Variants in THSD4 observed in about 807,000 individuals in gnomAD.
The protein encoded by THSD4 is thrombospondin type-1 domain-containing protein 4.
THSD4 carries 69 observed loss-of-function variants against 119.0 expected under a neutral mutation model. The observed-to-expected ratio is 0.58, with a 90% CI of 0.48 to 0.71. THSD4 has a LOEUF of 0.71. Among genes scored for constraint, THSD4 ranks in the 30% least tolerant of loss-of-function variants. The probability of loss-of-function intolerance (pLI) is 0.00; values close to 1 mark genes in which losing one functional copy is unlikely to be tolerated. For missense variants in THSD4, 1,393 were observed against 1,391.1 expected (o/e 1.00, Z -0.02); for synonymous variants, 524 against 540.4 (o/e 0.97, Z 0.42).
intron 8 of THSD4, among the ~76,000 whole-genome samples, chr15:71,724,527 C>T (rs28588514): frequency 0.89 from 134,939 of 150,982 alleles, 62,023 homozygotes; most frequent in Non-Finnish European, 1. Context: ...CCTCGTGATC[C>T]GCCAGCCTCA....
chr15:71,717,346 A>T lies in THSD4; in HGVS notation c.1358-11203A>T, dbSNP rs2052629157. Among the ~76,000 whole-genome samples, 8 of 152,344 alleles carry T rather than the reference A, an allele frequency of 5.3e-5. No individual in the cohort carries two copies. The South Asian group carries it at 1.7e-3, about 32-fold the overall frequency. Reference sequence around the variant, plus strand: ...CTAGATGGACATTTCAGCAACAAAGACAGTGTAAAAAGCAAAGGGAAAACC... The same window carrying T: ...CTAGATGGACATTTCAGCAACAAAGTCAGTGTAAAAAGCAAAGGGAAAACC... On this transcript the variant is annotated intron_variant, in intron 8 of 17. Transcript: ENST00000261862.
chr15:71,399,046 A>G (rs1309840927), intron 6 of THSD4, among the ~76,000 whole-genome samples: 1 of 152,106 alleles, frequency 6.6e-6, no homozygotes, highest in East Asian at 1.9e-4. Context: ...CAGTGGTGCC[A>G]TAGCTGTAGC....
chr15:71,354,239 G>A (rs2045780144), intron 6 of THSD4, among the ~76,000 whole-genome samples: 1 of 152,196 alleles, frequency 6.6e-6, no homozygotes, highest in African/African-American at 2.4e-5. Flanking sequence ...AGGCTGCAGT[G>A]AGCCATGCGC....
intron 6 of THSD4, among the ~76,000 whole-genome samples, chr15:71,282,162 T>C (rs2044660505): frequency 6.6e-6 from 1 of 152,234 alleles, no homozygotes; most frequent in Non-Finnish European, 1.5e-5. Flanking sequence ...TGAGTAATAT[T>C]TTATTTCCAA....
intron 7 of THSD4, among the ~76,000 whole-genome samples, chr15:71,450,589 A>C (rs555851173): frequency 6.6e-6 from 1 of 152,354 alleles, no homozygotes; most frequent in South Asian, 2.1e-4. Context: ...TTATGTAACA[A>C]GTATAAATTA....
At chr15:71,635,935 AC>A (rs2050730875) in intron 7 of THSD4, among the ~76,000 whole-genome samples, 1 of 152,188 alleles carries the variant, frequency 6.6e-6, no homozygotes, top group Non-Finnish European at 1.5e-5. Context: ...TCCCAAGGTC[AC>A]CCAGCTGGTA....
At chr15:71,594,575 G>A (rs1322877997) in intron 7 of THSD4, among the ~76,000 whole-genome samples, 3 of 152,122 alleles carry the variant, frequency 2.0e-5, no homozygotes, top group Non-Finnish European at 2.9e-5. Context: ...CAAAATCAAA[G>A]AGGCTCCCCA....
At chr15:71,716,787 C>A (rs146260666) in intron 8 of THSD4, among the ~76,000 whole-genome samples, 78 of 152,220 alleles carry the variant, frequency 5.1e-4, no homozygotes, top group Middle Eastern at 6.8e-3. Context: ...GGGCATCCCC[C>A]CTTGCAGTAT....
chr15:71,681,193 G>A (rs1213498838), intron 8 of THSD4, among the ~76,000 whole-genome samples: 1 of 151,774 alleles, frequency 6.6e-6, no homozygotes, highest in Non-Finnish European at 1.5e-5. Flanking sequence ...GGGATTACAG[G>A]CATGAGCCAC....
At chr15:71,267,153 C>A (rs371018908) in intron 6 of THSD4, among the ~76,000 whole-genome samples, 3 of 152,114 alleles carry the variant, frequency 2.0e-5, no homozygotes, top group African/African-American at 7.2e-5. Flanking sequence ...CCCCAAGACA[C>A]ATAATTGTCA....
In THSD4 at chr15:71,326,350, G is replaced by A. The variant is rs766858835; in HGVS notation, c.1015+69635G>A. Reference sequence around the variant, plus strand: ...GAGTGAACACTCAGAAAATGGTGGTGGTGATGATGATAGTGGTGGTGATGA... The same window carrying A: ...GAGTGAACACTCAGAAAATGGTGGTAGTGATGATGATAGTGGTGGTGATGA... On this transcript the variant is annotated intron_variant, in intron 6 of 17. Coordinates refer to ENST00000261862, the MANE Select transcript of THSD4 (RefSeq NM_024817.3). Among the ~76,000 whole-genome samples, 129 of 151,944 alleles carry A rather than the reference G, an allele frequency of 8.5e-4. 4 individuals carry two copies. Among genetic ancestry groups the A allele is most frequent in the Non-Finnish European group, 2.9e-4 (20 of 67,992 alleles).
chr15:71,385,783 T>G (rs1176913412), intron 6 of THSD4, among the ~76,000 whole-genome samples: 1 of 152,224 alleles, frequency 6.6e-6, no homozygotes, highest in Non-Finnish European at 1.5e-5. Flanking sequence ...CAAATCACGT[T>G]TCGTTTAATT....
At chr15:71,370,161 A>G (rs2046024284) in intron 6 of THSD4, among the ~76,000 whole-genome samples, 2 of 150,652 alleles carry the variant, frequency 1.3e-5, no homozygotes, top group Admixed American at 1.3e-4. Flanking sequence ...TGTCTATTTG[A>G]TTCTTCTCTC....
At chr15:71,455,006 C>T (rs1398163558) in intron 7 of THSD4, among the ~76,000 whole-genome samples, 1 of 152,208 alleles carries the variant, frequency 6.6e-6, no homozygotes, top group African/African-American at 2.4e-5. Flanking sequence ...GGCTCCCTCT[C>T]CCTTCCTATG....
intron 8 of THSD4, among the ~76,000 whole-genome samples, chr15:71,724,287 A>ATAT: frequency 0.032 from 1,200 of 37,200 alleles, 49 homozygotes; most frequent in African/African-American, 0.074. Context: ...ATATATATAT[A>ATAT]TTTTTTTTTT....
intron 6 of THSD4, among the ~76,000 whole-genome samples, chr15:71,333,254 G>A (rs1332309058): frequency 6.6e-6 from 1 of 152,074 alleles, no homozygotes; most frequent in African/African-American, 2.4e-5. Context: ...AGGCTGAAAG[G>A]GTCTTGGGAG....
At chr15:71,738,160 G>A (rs1284007830) in intron 11 of THSD4, 153 bp downstream of exon 11, 5 of 1,056,664 alleles carry the variant, frequency 4.7e-6, no homozygotes, top group Non-Finnish European at 6.7e-6. Flanking sequence ...TTGGGGGATG[G>A]TTTCTGGGTG....
At position 71,232,988 on chromosome 15, in the gene THSD4, G is replaced by T. The variant is rs75904892; in HGVS notation, c.465-9661G>T. Reference sequence around the variant, plus strand: ...CTGGGGTGTTTGTCATCACTGAAAAGATTGGACTGGACATCATAAAGTCAT... The same window carrying T: ...CTGGGGTGTTTGTCATCACTGAAAATATTGGACTGGACATCATAAAGTCAT... On this transcript the variant is annotated intron_variant, in intron 4 of 17. Transcript: ENST00000261862. Among the ~76,000 whole-genome samples, 606 of 152,308 alleles carry T rather than the reference G, an allele frequency of 4.0e-3. 3 individuals carry two copies. The highest frequency in any genetic ancestry group is 6.7e-3 in the Non-Finnish European group (459 of 68,026).
intron 3 of THSD4, among the ~76,000 whole-genome samples, chr15:71,179,999 G>T (rs561598011): frequency 0.017 from 1,690 of 99,290 alleles, 23 homozygotes; most frequent in South Asian, 0.039. Flanking sequence ...TGGTGGGGTC[G>T]GGGGAGGGGG....
Sources: allele counts gnomAD v4.1 joint callset (sites outside exome capture counted in the v4.1 genomes callset), GRCh38; gene constraint gnomAD v4.1.1; transcripts MANE v1.5; gene names NCBI Gene and HGNC (gene_info 2026-07-23, HGNC 2026-07-21).